The following WASF3 variants were observed in gnomAD, a reference collection of about 807,000 sequenced individuals.
The protein encoded by WASF3 is actin-binding protein WASF3.
Under a neutral mutation model 46.6 loss-of-function variants are expected in WASF3, and 11 were observed. The ratio of observed to expected loss-of-function variants is 0.24; its 90% CI spans 0.15 to 0.39. The LOEUF (loss-of-function observed/expected upper bound fraction) is 0.39, where lower values mean the gene tolerates loss of function less well. Among genes scored for constraint, WASF3 ranks in the 10% least tolerant of loss-of-function variants. The pLI, the probability that WASF3 is intolerant of heterozygous loss-of-function variation, is 1.00. For missense variants in WASF3, 576 were observed against 669.8 expected (o/e 0.86, Z 1.55); for synonymous variants, 242 against 259.7 (o/e 0.93, Z 0.65).
chr13:26,645,110 A>G (rs975190421), intron 3 of WASF3, among the ~76,000 whole-genome samples: 1 of 152,248 alleles, frequency 6.6e-6, no homozygotes, highest in Non-Finnish European at 1.5e-5. Flanking sequence ...GTGTCTCCCA[A>G]CAATTCCGCG....
intron 2 of WASF3, 31 bp from the exon 3 acceptor site, chr13:26,642,230 A>G: frequency 1.4e-6 from 2 of 1,480,276 alleles, no homozygotes; most frequent in Non-Finnish European, 1.8e-6. Context: ...TGTGAATATG[A>G]GCTTATAAAG....
chr13:26,606,310 C>CG (rs1880794592), intron 1 of WASF3, among the ~76,000 whole-genome samples: 6 of 140,852 alleles, frequency 4.3e-5, no homozygotes, highest in African/African-American at 1.7e-4. Flanking sequence ...TTTTTCTTTT[C>CG]TCTTTTTTTT....
chr13:26,676,793 A>T (rs1163797060), intron 7 of WASF3, 69 bp downstream of exon 7: 1 of 1,455,844 alleles, frequency 6.9e-7, no homozygotes, highest in African/African-American at 1.4e-5. Flanking sequence ...TTTTATTATC[A>T]TTTGAAATGC....
At chr13:26,555,065 G>A (rs1177574980), upstream of WASF3, among the ~76,000 whole-genome samples, 2 of 152,126 alleles carry the variant, frequency 1.3e-5, no homozygotes, top group African/African-American at 2.4e-5. Flanking sequence ...GTTTTTTGTT[G>A]TTGTTGCCGT....
rs372326099 is a variant in WASF3 at position 26,681,065 on chromosome 13, C to T, written c.728C>T (p.Ser243Leu). The T allele has an allele frequency of 7.5e-6, 12 of 1,610,092 alleles. No homozygotes were observed. In the African/African-American group the frequency reaches 8.0e-5, roughly 11 times the overall value. Residue 243 changes from serine to leucine, a missense_variant, in exon 8 of 10, where the codon TCG (serine) becomes TTG (leucine). This residue lies in a region of WASF3 where 295 missense variants were observed against 291.5 expected (regional missense o/e 1.01). Coordinates refer to ENST00000335327, the MANE Select transcript of WASF3 (RefSeq NM_006646.6). ...SLSPDTRSHA[S>L]DVTDYSYPAT... is the part of the protein sequence containing the mutation. Reference sequence around the variant, plus strand: ...TTTTCAAATGCCAGGTCACATGCATCGGACGTTACGGATTACTCTTACCCG... The same window carrying T: ...TTTTCAAATGCCAGGTCACATGCATTGGACGTTACGGATTACTCTTACCCG...
chr13:26,643,653 A>G (rs1481342022), intron 3 of WASF3, among the ~76,000 whole-genome samples: 1 of 152,220 alleles, frequency 6.6e-6, no homozygotes, highest in East Asian at 1.9e-4. Flanking sequence ...TTATTTTTGT[A>G]GGAATGCTTT....
At chr13:26,548,505 G>A in the WASF3 span, among the ~76,000 whole-genome samples, 9,937 of 152,004 alleles carry the variant, frequency 0.065, 425 homozygotes, top group Non-Finnish European at 0.099. Flanking sequence ...CCTCTCCAAC[G>A]CACTATTCAT....
chr13:26,565,666 C>T (rs987687258), intron 1 of WASF3, among the ~76,000 whole-genome samples: 4 of 152,130 alleles, frequency 2.6e-5, no homozygotes, highest in African/African-American at 4.8e-5. Context: ...TTAATTCTTG[C>T]TGCAAACAGC....
rs546154077 is a variant in WASF3, at chr13:26,666,071, A to T, written c.268+909A>T. Among the ~76,000 whole-genome samples the T allele has an allele frequency of 1.3e-4, 20 of 152,294 alleles. No individual in the cohort carries two copies. The South Asian group carries it at 3.9e-3, about 30-fold the overall frequency. On this transcript the variant is annotated intron_variant, in intron 4 of 9. Coordinates refer to ENST00000335327, the MANE Select transcript of WASF3 (RefSeq NM_006646.6). The stretch of plus-strand genomic sequence containing the variant: ...TCATCTCTCATCATTTAAAAAATAT[A>T]TGTTATCTCATGTTCAGTCTTTTTC...
chr13:26,630,548 C>T (rs910962725), intron 2 of WASF3, among the ~76,000 whole-genome samples: 14 of 152,218 alleles, frequency 9.2e-5, no homozygotes, highest in South Asian at 6.2e-4. Context: ...TTTTCTTAAT[C>T]CAGTCTATCA....
chr13:26,655,054 C>T (rs1882427348), intron 3 of WASF3, among the ~76,000 whole-genome samples: 1 of 152,164 alleles, frequency 6.6e-6, no homozygotes, highest in East Asian at 1.9e-4. Context: ...CATAAACTTT[C>T]ACCCAGATTT....
intron 2 of WASF3, among the ~76,000 whole-genome samples, chr13:26,618,129 T>C: frequency 6.6e-6 from 1 of 152,214 alleles, no homozygotes; most frequent in Non-Finnish European, 1.5e-5. Flanking sequence ...AGTTCACCCA[T>C]TAACACTTAC....
At chr13:26,642,209 A>G in intron 2 of WASF3, 52 bp from the exon 3 acceptor site, 1 of 1,424,858 alleles carries the variant, frequency 7.0e-7, no homozygotes, top group Non-Finnish European at 9.2e-7. Context: ...AAAATTCCAG[A>G]TTTGTTAAAA....
At chr13:26,544,054 CTAACATTA>C in the WASF3 span, among the ~76,000 whole-genome samples, 1 of 152,086 alleles carries the variant, frequency 6.6e-6, no homozygotes, top group Non-Finnish European at 1.5e-5. Context: ...CCCTGTTCCA[CTAACATTA>C]TAATTTGAGA....
chr13:26,685,766 T>G lies in WASF3; in HGVS notation c.1430T>G (p.Ile477Ser). Residue 477 changes from isoleucine to serine, a missense_variant, in exon 10 of 10, where the codon ATC becomes AGC. By Grantham distance (142) the Ile-to-Ser change is moderately radical (BLOSUM62 -2). Around this residue, in one of 3 missense-constraint regions of WASF3, gnomAD observed 68 missense variants for 100.3 expected, o/e 0.68. Coordinates refer to ENST00000335327, the MANE Select transcript of WASF3 (RefSeq NM_006646.6). ...REPVGNDVAT[I>S]LSRRIAVEYS... ...CCAGTGGGGAATGACGTGGCCACGA[T>G]CCTGTCCCGGCGCATTGCCGTGGAG... The G allele has an allele frequency of 6.2e-7, 1 of 1,613,846 alleles. No homozygotes were observed. The highest frequency in any genetic ancestry group is 8.5e-7 in the Non-Finnish European group (1 of 1,179,914).
At chr13:26,581,217 C>T (rs997906320) in intron 1 of WASF3, among the ~76,000 whole-genome samples, 1 of 152,030 alleles carries the variant, frequency 6.6e-6, no homozygotes, top group South Asian at 2.1e-4. Context: ...TAGGTGTGAG[C>T]CACTATACCT....
intron 5 of WASF3, among the ~76,000 whole-genome samples, chr13:26,670,236 C>T (rs1274109262): frequency 6.6e-6 from 1 of 152,128 alleles, no homozygotes; most frequent in African/African-American, 2.4e-5. Flanking sequence ...AACCATCATT[C>T]TCAGCAAACT....
intron 5 of WASF3, among the ~76,000 whole-genome samples, chr13:26,669,197 T>C (rs1403121327): frequency 6.8e-6 from 1 of 146,822 alleles, no homozygotes; most frequent in African/African-American, 2.5e-5. Context: ...AAATAAAGCA[T>C]ATCTTTGACT....
chr13:26,561,911 C>T (rs762984417), intron 1 of WASF3, among the ~76,000 whole-genome samples: 8 of 152,192 alleles, frequency 5.3e-5, no homozygotes, highest in South Asian at 2.1e-4. Context: ...AACAAGTGTA[C>T]ACATACTGTA....
Sources: gnomAD v4.1 joint callset for allele counts (sites outside exome capture counted in the v4.1 genomes callset) on GRCh38, gnomAD v4.1.1 for gene constraint, gnomAD v4.1.1 regional missense constraint, MANE v1.5 for transcripts, NCBI Gene and HGNC (gene_info 2026-07-23, HGNC 2026-07-21) for gene names.